Variants in UQCRC1 observed in about 807,000 individuals in gnomAD.
The protein encoded by UQCRC1 is ubiquinol-cytochrome c reductase core protein 1.
UQCRC1 carries 34 observed loss-of-function variants against 58.0 expected under a neutral mutation model. The observed-to-expected ratio is 0.59, with a 90% CI of 0.45 to 0.78. The LOEUF (loss-of-function observed/expected upper bound fraction) is 0.78. Among genes scored for constraint, UQCRC1 ranks in the 30% least tolerant of loss-of-function variants. The pLI, the probability that UQCRC1 is intolerant of heterozygous loss-of-function variation, is 0.00. For missense variants in UQCRC1, 610 were observed against 646.0 expected, an observed-to-expected ratio of 0.94 and a Z score of 0.60; for synonymous variants, 276 against 248.8, an observed-to-expected ratio of 1.11 and a Z score of -1.03.
rs771917385 is a variant in UQCRC1, at chr3:48,600,754, C to T, written c.1053G>A (p.Thr351=). 12 of 1,614,038 alleles carry T rather than the reference C, an allele frequency of 7.4e-6. No individual in the cohort carries two copies. The highest frequency in any genetic ancestry group is 1.0e-5 in the Non-Finnish European group (12 of 1,180,046). ...FQTFSICYAE[T]GLLGAHFVCD... ...AGACAAAGTGTGCACCCAGCAAGCCCGTCTCTGCATAGCAGATGCTGAAGG... is the reference window on the plus strand; with the variant it reads ...AGACAAAGTGTGCACCCAGCAAGCCTGTCTCTGCATAGCAGATGCTGAAGG... The change falls in exon 9 of 13, where the codon ACG becomes ACA. Residue 351 remains threonine (T), a synonymous_variant. Coordinates refer to ENST00000203407, the MANE Select transcript of UQCRC1 (RefSeq NM_003365.3).
chr3:48,608,867 A>G (rs2046436670), intron 2 of UQCRC1, among the ~76,000 whole-genome samples: 1 of 152,216 alleles, frequency 6.6e-6, no homozygotes, highest in Non-Finnish European at 1.5e-5. Flanking sequence ...TCCGCATTAT[A>G]AGAGGAGACA....
chr3:48,607,928 G>A (rs2046429324), intron 2 of UQCRC1, among the ~76,000 whole-genome samples: 3 of 152,030 alleles, frequency 2.0e-5, no homozygotes, highest in South Asian at 2.1e-4. Flanking sequence ...GGGTTCAAGC[G>A]ATTCTCTTGC....
chr3:48,605,703 A>C (rs1201635332), intron 3 of UQCRC1, 67 bp downstream of exon 3: 1 of 1,502,304 alleles, frequency 6.7e-7, no homozygotes, highest in Non-Finnish European at 9.0e-7. Context: ...AATTTTTCTG[A>C]CCTTCATCCT....
In UQCRC1 at chr3:48,601,350, A is replaced by G; in HGVS notation, c.822+2T>C. ...ACTACTCCTGCCCAAAAGGCAGCAT[A>G]CCTCACTGCCAGTGAAGCGGCATGG... is the stretch of plus-strand genomic sequence containing the variant. On this transcript the variant is annotated splice_donor_variant, in intron 7 of 12. Transcript: ENST00000203407. LOFTEE classifies it high-confidence loss of function. The G allele has an allele frequency of 6.2e-7, 1 of 1,613,850 alleles. No individual in the cohort carries two copies. The highest frequency in any genetic ancestry group is 8.5e-7 in the Non-Finnish European group (1 of 1,179,824).
rs2046341437 is a variant in UQCRC1 at position 48,599,436 on chromosome 3, T to C, written c.1378+199A>G. 8.6e-6 allele frequency: 6 copies of C among 698,578 alleles called. No individual in the cohort carries two copies. In the East Asian group the frequency reaches 1.1e-4, roughly 13 times the overall value. The allele number at this position is 698,578 out of a possible 1,614,324, so 43.3% of individuals were successfully genotyped here. ...GGTGCAGGGTATTGATGAAGGCACC[T>C]TGGCAGGCAGTCAAGGAACTGCTGG... is the stretch of plus-strand genomic sequence containing the variant. On this transcript the variant is annotated intron_variant, in intron 12 of 12. Transcript: ENST00000203407.
intron 6 of UQCRC1, 44 bp downstream of exon 6, chr3:48,603,520 G>A: frequency 6.2e-7 from 1 of 1,600,890 alleles, no homozygotes; most frequent in Non-Finnish European, 8.5e-7. Context: ...GATAACCAAG[G>A]CTGGGACCCC....
chr3:48,604,455 A>C (rs769592439), intron 4 of UQCRC1, 24 bp from the exon 5 acceptor site: 1 of 1,611,216 alleles, frequency 6.2e-7, no homozygotes, highest in Non-Finnish European at 8.5e-7. Flanking sequence ...GGACATGTTT[A>C]GGTGCCAGGT....
In UQCRC1 at chr3:48,600,463, G is replaced by A. The variant is rs371109527; in HGVS notation, c.1213+19C>T. 1.9e-5 allele frequency: 30 copies of A among 1,613,706 alleles called. No individual in the cohort carries two copies. The highest frequency in any genetic ancestry group is 1.6e-4 in the Middle Eastern group (1 of 6,078). ...GGCAAGATGTACTCTACCCCTCCCC[G>A]CTGAGCTGTAGGACTCACCATCTAG... On this transcript the variant is annotated intron_variant, in intron 10 of 12. Transcript: ENST00000203407.
At chr3:48,606,710 C>T (rs1432548937) in intron 2 of UQCRC1, among the ~76,000 whole-genome samples, 1 of 150,596 alleles carries the variant, frequency 6.6e-6, no homozygotes, top group Admixed American at 6.6e-5. Flanking sequence ...TGCCACTGCA[C>T]TCCAGCCTGG....
chr3:48,606,889 G>A (rs1334225188), intron 2 of UQCRC1, among the ~76,000 whole-genome samples: 1 of 149,890 alleles, frequency 6.7e-6, no homozygotes, highest in Non-Finnish European at 1.5e-5. Context: ...TTGACATGGA[G>A]TCTCACTCTG....
rs2046393770 is a variant in UQCRC1 at position 48,604,465 on chromosome 3, T to A, written c.428-34A>T. The A allele has an allele frequency of 3.1e-6, 5 of 1,609,858 alleles. No individual in the cohort carries two copies. In the East Asian group the frequency reaches 1.1e-4, roughly 36 times the overall value. On this transcript the variant is annotated intron_variant, in intron 4 of 12. Transcript: ENST00000203407. ...AAGGAGGACATGTTTAGGTGCCAGG[T>A]GGACCACTGCAGACCAACGACAGCA...
Position 48,604,377 on chromosome 3 carries a change from A to G in UQCRC1, c.482T>C (p.Ile161Thr). The G allele has an allele frequency of 6.2e-7, 1 of 1,614,174 alleles. No homozygotes were observed. The highest frequency in any genetic ancestry group is 8.5e-7 in the Non-Finnish European group (1 of 1,180,038). ...CAGGATCACATCACGTTCCTTCTCA[A>G]TCTGTGAGTCTTCCAGACTACAGTT... ...VQNCSLEDSQ[I>T]EKERDVILRE... The change falls in exon 5 of 13, where the codon ATT (isoleucine) becomes ACT (threonine). Residue 161 changes from isoleucine (I) to threonine (T), a missense_variant. Transcript: ENST00000203407.
intron 12 of UQCRC1, chr3:48,599,424 G>C: frequency 2.9e-6 from 2 of 693,030 alleles, no homozygotes; most frequent in Non-Finnish European, 4.8e-6. Context: ...GCAGGGTATT[G>C]ATGAAGGCAC....
At chr3:48,599,840 G>A in intron 11 of UQCRC1, 130 bp from the exon 12 acceptor site, 2 of 1,112,066 alleles carry the variant, frequency 1.8e-6, no homozygotes, top group Non-Finnish European at 2.7e-6. Context: ...AAGAGGAAAG[G>A]CAGAAGGGAT....
rs778806213 is a variant in UQCRC1, at chr3:48,609,256, G to A, written c.116C>T (p.Ala39Val). ...TPALRSTATF[A>V]QALQFVPETQ... is the part of the protein sequence containing the mutation. ...CTCCGGCACGAACTGGAGCGCCTGA[G>A]CGAAGGTTGCCGTACTCCGCAAGGC... The change falls in exon 2 of 13, where the codon GCT becomes GTT. Residue 39 changes from alanine (A) to valine (V), a missense_variant. Transcript: ENST00000203407. 3.1e-6 allele frequency: 5 copies of A among 1,612,676 alleles called. No homozygotes were observed. The highest frequency in any genetic ancestry group is 2.7e-5 in the African/African-American group (2 of 75,066).
At chr3:48,599,586 A>T in intron 12 of UQCRC1, 49 bp downstream of exon 12, 1 of 1,595,556 alleles carries the variant, frequency 6.3e-7, no homozygotes, top group South Asian at 1.1e-5. Flanking sequence ...GGAGGCCAAG[A>T]GAACGGCCTG....
intron 2 of UQCRC1, among the ~76,000 whole-genome samples, chr3:48,606,529 A>C (rs1006453977): frequency 1.3e-5 from 2 of 152,190 alleles, no homozygotes; most frequent in Non-Finnish European, 2.9e-5. Context: ...CAGGTGGATT[A>C]CGAGGTCAGC....
rs780276583 is a variant in UQCRC1 at position 48,600,988 on chromosome 3, T to G, written c.953A>C (p.Tyr318Ser). 1.5e-5 allele frequency: 24 copies of G among 1,605,066 alleles called. No homozygotes were observed. The South Asian group carries it at 2.1e-4, about 14-fold the overall frequency. ...GCTGGCACTCACCACGCCACCACCA[T>G]AAGTGCAGTCATAGTGGCCGATGAT... ...NAIIGHYDCT[Y>S]GGGVHLSSPL... is the part of the protein sequence containing the mutation. The change falls in exon 8 of 13, where the codon TAT becomes TCT. Residue 318 changes from tyrosine to serine, a missense_variant. Tyr to Ser is a moderately radical substitution (Grantham distance 144, BLOSUM62 -2). Coordinates refer to ENST00000203407, the MANE Select transcript of UQCRC1 (RefSeq NM_003365.3).
chr3:48,607,914 T>C (rs925250626), intron 2 of UQCRC1, among the ~76,000 whole-genome samples: 4 of 152,172 alleles, frequency 2.6e-5, no homozygotes, highest in Admixed American at 1.3e-4. Flanking sequence ...AATCTCTGCC[T>C]CCCGGGTTCA....
Sources: gnomAD v4.1 joint callset for allele counts (sites outside exome capture counted in the v4.1 genomes callset) on GRCh38, gnomAD v4.1.1 for gene constraint, MANE v1.5 for transcripts, NCBI Gene and HGNC (gene_info 2026-07-23, HGNC 2026-07-21) for gene names.